Variants in CUX1 observed in about 807,000 individuals in gnomAD.
CUX1 encodes the protein cut like homeobox 1.
A neutral mutation model predicts 158.8 loss-of-function variants in CUX1; 31 were observed. The ratio of observed to expected loss-of-function variants is 0.20; its 90% confidence interval spans 0.15 to 0.26. The LOEUF (loss-of-function observed/expected upper bound fraction) is 0.26. CUX1 is among the 10% of genes least tolerant of loss of function. CUX1 has a pLI of 1.00. For missense variants in CUX1, 1,589 were observed against 2,014.6 expected, an observed-to-expected ratio of 0.79 and a Z score of 4.04; for synonymous variants, 879 against 862.1, an observed-to-expected ratio of 1.02 and a Z score of -0.34.
rs868945050 is a variant in CUX1, at chr7:102,273,400, G to A, written c.1290G>A (p.Glu430=). The A allele has an allele frequency of 1.9e-6, 3 of 1,612,468 alleles. No individual in the cohort carries two copies. In the Admixed American group the frequency reaches 5.0e-5, roughly 27 times the overall value. Residue 430 remains glutamate, a synonymous_variant, in exon 15 of 23, where the codon GAG becomes GAA. Coordinates refer to the CUX1 transcript ENST00000292538. ...CGGAGCTGCAAGTCCGTATCACTGAGGCTGTGGCCACAGCCACTGAGCAGA... is the reference window on the plus strand; with the variant it reads ...CGGAGCTGCAAGTCCGTATCACTGAAGCTGTGGCCACAGCCACTGAGCAGA...
chr7:102,159,281 A>G (rs1371769413), intron 9 of CUX1, among the ~76,000 whole-genome samples: 1 of 152,202 alleles, frequency 6.6e-6, no homozygotes, highest in Non-Finnish European at 1.5e-5. Flanking sequence ...CCTTACCGCC[A>G]CGTTCTCATG....
chr7:102,030,334 A>G (rs889286858), intron 3 of CUX1, among the ~76,000 whole-genome samples: 1 of 151,906 alleles, frequency 6.6e-6, no homozygotes, highest in South Asian at 2.1e-4. Flanking sequence ...CTTTACCCAG[A>G]TCCACAGTTG....
At chr7:101,854,614 A>T (rs973107821) in intron 1 of CUX1, among the ~76,000 whole-genome samples, 2 of 152,104 alleles carry the variant, frequency 1.3e-5, no homozygotes, top group Non-Finnish European at 2.9e-5. Flanking sequence ...GCCTCCTCCG[A>T]TTGCTGGAGT....
chr7:102,176,099 C>T (rs898605613), intron 10 of CUX1, among the ~76,000 whole-genome samples: 21 of 152,210 alleles, frequency 1.4e-4, no homozygotes, highest in African/African-American at 4.6e-4. Flanking sequence ...TCAGGAGAAC[C>T]GAAACACCTC....
At chr7:102,133,778 A>G (rs1159048489) in intron 8 of CUX1, among the ~76,000 whole-genome samples, 1 of 151,056 alleles carries the variant, frequency 6.6e-6, no homozygotes, top group Non-Finnish European at 1.5e-5. Flanking sequence ...CTCGGCCTAG[A>G]AAATACATCT....
At chr7:101,834,799 G>C (rs1794444916) in intron 1 of CUX1, among the ~76,000 whole-genome samples, 1 of 152,102 alleles carries the variant, frequency 6.6e-6, no homozygotes, top group African/African-American at 2.4e-5. Context: ...AGAAGTTTGA[G>C]ATCAGCCTGG....
At chr7:102,186,576 AGT>A (rs1793637772) in intron 11 of CUX1, among the ~76,000 whole-genome samples, 1 of 112,630 alleles carries the variant, frequency 8.9e-6, no homozygotes, top group African/African-American at 3.1e-5. Flanking sequence ...AAACCTAGAT[AGT>A]ATATATATAT....
intron 3 of CUX1, among the ~76,000 whole-genome samples, chr7:102,044,795 C>T (rs1822544494): frequency 6.6e-6 from 1 of 152,056 alleles, no homozygotes; most frequent in Admixed American, 6.6e-5. Context: ...GAGGGGTTGT[C>T]AGGGTCTTCT....
intron 2 of CUX1, among the ~76,000 whole-genome samples, chr7:101,996,023 AATC>A (rs527271263): frequency 8.0e-4 from 121 of 152,018 alleles, no homozygotes; most frequent in African/African-American, 2.7e-3. Flanking sequence ...GAGGCAGGAG[AATC>A]GCTTGAACCC....
chr7:101,844,190 G>A (rs375775210), intron 1 of CUX1, among the ~76,000 whole-genome samples: 2 of 32,574 alleles, frequency 6.1e-5, no homozygotes, highest in South Asian at 1.2e-3. Flanking sequence ...CCCCGCCCCC[G>A]CCCCCGCCCC....
At chr7:102,163,428 CAA>C (rs1264359433) in intron 9 of CUX1, among the ~76,000 whole-genome samples, 4 of 151,970 alleles carry the variant, frequency 2.6e-5, no homozygotes, top group Admixed American at 1.3e-4. Flanking sequence ...CCCGAGAGTT[CAA>C]AACCAACACC....
intron 1 of CUX1, among the ~76,000 whole-genome samples, chr7:101,835,170 C>A (rs1300849568): frequency 2.0e-5 from 3 of 152,044 alleles, no homozygotes; most frequent in Non-Finnish European, 4.4e-5. Flanking sequence ...CCTCCTGTAC[C>A]CCCGGCACCC....
At chr7:102,003,295 A>AAACACACAC (rs1816924400) in intron 2 of CUX1, among the ~76,000 whole-genome samples, 1 of 131,908 alleles carries the variant, frequency 7.6e-6, no homozygotes, top group Admixed American at 7.5e-5. Flanking sequence ...CCTGGTGCCG[A>AAACACACAC]ACACACACAC....
intron 3 of CUX1, among the ~76,000 whole-genome samples, chr7:102,036,980 C>T (rs969318854): frequency 6.6e-6 from 1 of 152,188 alleles, no homozygotes; most frequent in African/African-American, 2.4e-5. Context: ...CCCTTGAGCC[C>T]TCGTGTTAGA....
chr7:102,066,715 C>G (rs543458105), intron 3 of CUX1, among the ~76,000 whole-genome samples: 10 of 152,294 alleles, frequency 6.6e-5, no homozygotes, highest in African/African-American at 2.2e-4. Flanking sequence ...ACTCTGCTAC[C>G]CACCTGCCTC....
chr7:102,245,622 TAACTTCTCTGCAAGGA>T (rs1554536611), intron 23 of CUX1, among the ~76,000 whole-genome samples: 7 of 152,206 alleles, frequency 4.6e-5, no homozygotes. Flanking sequence ...TTAATCTTAA[TAACTTCTCTGCAAGGA>T]AGATACCATT....
chr7:102,193,450 G>C (rs542095133), intron 12 of CUX1, among the ~76,000 whole-genome samples: 1 of 152,150 alleles, frequency 6.6e-6, no homozygotes, highest in East Asian at 1.9e-4. Context: ...ACAGTTCTTC[G>C]GTTCCTGGAG....
chr7:101,969,174 A>T (rs892663331), intron 2 of CUX1, among the ~76,000 whole-genome samples: 2 of 151,766 alleles, frequency 1.3e-5, no homozygotes, highest in Admixed American at 1.3e-4. Flanking sequence ...CAAAAAAAAA[A>T]AATGCAAAAA....
chr7:102,148,138 A>G (rs543860205), intron 8 of CUX1, among the ~76,000 whole-genome samples: 1 of 152,326 alleles, frequency 6.6e-6, no homozygotes, highest in African/African-American at 2.4e-5. Context: ...AACAAAATGA[A>G]TGGACAATGG....
Sources: allele counts gnomAD v4.1 joint callset (sites outside exome capture counted in the v4.1 genomes callset), GRCh38; gene constraint gnomAD v4.1.1; transcripts MANE v1.5; gene names NCBI Gene and HGNC (gene_info 2026-07-23, HGNC 2026-07-21).